The following FMNL2 variants were observed in gnomAD, a reference collection of about 807,000 sequenced individuals.
The protein encoded by FMNL2 is formin-like protein 2.
FMNL2 carries 51 observed loss-of-function variants against 130.2 expected under a neutral mutation model. That is an observed-to-expected ratio of 0.39 (90% CI 0.31 to 0.49). FMNL2 has a LOEUF of 0.49. Among genes scored for constraint, FMNL2 ranks in the 20% least tolerant of loss-of-function variants. The pLI is 0.85. For missense variants in FMNL2, 977 were observed against 1,316.2 expected, an observed-to-expected ratio of 0.74 and a Z score of 3.99; for synonymous variants, 465 against 467.1, an observed-to-expected ratio of 1.00 and a Z score of 0.06.
intron 20 of FMNL2, among the ~76,000 whole-genome samples, chr2:152,630,786 C>T (rs1181844891): frequency 6.6e-6 from 1 of 152,182 alleles, no homozygotes; most frequent in African/African-American, 2.4e-5. Context: ...GTGTAGGAGG[C>T]ACCTGCATGC....
intron 9 of FMNL2, among the ~76,000 whole-genome samples, chr2:152,599,913 CT>C (rs976740670): frequency 3.4e-4 from 52 of 152,326 alleles, no homozygotes; most frequent in African/African-American, 1.3e-3. Context: ...GAGTGATCTG[CT>C]TCTGTCATGG....
intron 1 of FMNL2, among the ~76,000 whole-genome samples, chr2:152,413,259 A>G (rs1686420729): frequency 6.6e-6 from 1 of 152,136 alleles, no homozygotes; most frequent in Admixed American, 6.5e-5. Flanking sequence ...CATTGTGTTT[A>G]GTTGTCTGAG....
In FMNL2 at chr2:152,396,556, C is replaced by G. The variant is rs188738738; in HGVS notation, c.117+60836C>G. Among the ~76,000 whole-genome samples the G allele has an allele frequency of 3.6e-3, 544 of 152,298 alleles. 4 individuals carry two copies. The highest frequency in any genetic ancestry group is 0.013 in the African/African-American group (532 of 41,556). On this transcript the variant is annotated intron_variant, in intron 1 of 25. Coordinates refer to ENST00000288670, the MANE Select transcript of FMNL2 (RefSeq NM_052905.4). ...ATGTATCCAGAGAGCCTGTGAGGTC[C>G]TGGCTTAGATGAGTCCTGCATATCA...
At chr2:152,477,395 T>A (rs1690212712) in intron 1 of FMNL2, among the ~76,000 whole-genome samples, 1 of 152,190 alleles carries the variant, frequency 6.6e-6, no homozygotes, top group African/African-American at 2.4e-5. Context: ...AAAATGAGGA[T>A]GTTGGAAATA....
chr2:152,629,864 AGAG>A lies in FMNL2; in HGVS notation c.2513_2515del (p.Gly838del). The A allele has an allele frequency of 6.2e-7, 1 of 1,612,802 alleles. No individual in the cohort carries two copies. The highest frequency in any genetic ancestry group is 8.5e-7 in the Non-Finnish European group (1 of 1,179,374). Reference sequence around the variant, plus strand: ...TGGAAACTACATGAATAGCAGTAAAAGAGGAGCAGTTTATGGATTTAAACTTCA... The same window carrying A: ...TGGAAACTACATGAATAGCAGTAAAAGAGCAGTTTATGGATTTAAACTTCA... On this transcript the variant is annotated inframe_deletion, in exon 20 of 26. Transcript: ENST00000288670.
At chr2:152,621,326 G>A in intron 15 of FMNL2, among the ~76,000 whole-genome samples, 1 of 152,188 alleles carries the variant, frequency 6.6e-6, no homozygotes, top group African/African-American at 2.4e-5. Flanking sequence ...GAGCCCAGAG[G>A]CTGAGATGTG....
At chr2:152,461,259 G>C (rs1454037487) in intron 1 of FMNL2, among the ~76,000 whole-genome samples, 1 of 152,084 alleles carries the variant, frequency 6.6e-6, no homozygotes, top group African/African-American at 2.4e-5. Flanking sequence ...GAAAAGAACA[G>C]ATTTCGGAAT....
chr2:152,499,129 C>A (rs1691672584), intron 1 of FMNL2, among the ~76,000 whole-genome samples: 1 of 152,152 alleles, frequency 6.6e-6, no homozygotes, highest in South Asian at 2.1e-4. Context: ...GCTATGTTTT[C>A]TGTGAAGCCT....
At chr2:152,531,620 C>T (rs1579895820) in intron 2 of FMNL2, among the ~76,000 whole-genome samples, 1 of 152,046 alleles carries the variant, frequency 6.6e-6, no homozygotes, top group African/African-American at 2.4e-5. Context: ...GGACTACAGC[C>T]GCCTGACACC....
intron 1 of FMNL2, among the ~76,000 whole-genome samples, chr2:152,475,565 G>T (rs761559802): frequency 2.6e-5 from 4 of 151,884 alleles, no homozygotes; most frequent in Non-Finnish European, 4.4e-5. Flanking sequence ...TGTGATCTCG[G>T]CTCACTGCAA....
At chr2:152,510,710 G>C (rs1022499085) in intron 1 of FMNL2, among the ~76,000 whole-genome samples, 3 of 152,208 alleles carry the variant, frequency 2.0e-5, no homozygotes, top group Non-Finnish European at 4.4e-5. Flanking sequence ...TAAGTGGCAG[G>C]CTAAAGGAGT....
intron 25 of FMNL2, among the ~76,000 whole-genome samples, chr2:152,644,397 G>A (rs1327553745): frequency 6.6e-6 from 1 of 152,172 alleles, no homozygotes; most frequent in Non-Finnish European, 1.5e-5. Flanking sequence ...AAGGAACTGT[G>A]AACTATGCAC....
At chr2:152,644,613 T>C (rs913619136) in intron 25 of FMNL2, among the ~76,000 whole-genome samples, 4 of 152,232 alleles carry the variant, frequency 2.6e-5, no homozygotes, top group Non-Finnish European at 5.9e-5. Context: ...AATTCCATGT[T>C]GGAGCAAAGC....
intron 1 of FMNL2, among the ~76,000 whole-genome samples, chr2:152,383,211 T>C (rs953706979): frequency 6.7e-6 from 1 of 148,260 alleles, no homozygotes; most frequent in Non-Finnish European, 1.5e-5. Flanking sequence ...GGAAGGAGGA[T>C]AAAGCAAGAG....
At chr2:152,575,269 T>TA (rs747211392) in intron 7 of FMNL2, 25 bp downstream of exon 7, 126 of 1,469,338 alleles carry the variant, frequency 8.6e-5, no homozygotes, top group East Asian at 1.6e-4. Flanking sequence ...CTGGTTCTTT[T>TA]AAAAAAAACC....
intron 4 of FMNL2, among the ~76,000 whole-genome samples, chr2:152,550,863 C>T (rs536704498): frequency 1.8e-4 from 28 of 152,108 alleles, no homozygotes; most frequent in African/African-American, 3.6e-4. Flanking sequence ...TTAGGCTGTG[C>T]GTGGTGGTTC....
chr2:152,575,237 A>C lies in FMNL2; in HGVS notation c.698A>C (p.Asn233Thr). The part of the protein sequence containing the change: ...VCIMCLRAIM[N>T]YQYGFNMVMS... ...ATCATGTGTTTACGTGCCATCATGA[A>C]TTATCAGGTATGTTGGAGCTTCTGG... is the stretch of plus-strand genomic sequence containing the variant. Residue 233 changes from asparagine to threonine, a missense_variant, in exon 7 of 26, where the codon AAT becomes ACT. Asn to Thr is a moderately conservative substitution (Grantham distance 65). This residue lies in a region of FMNL2 where 689 missense variants were observed against 995.9 expected (regional missense o/e 0.69). Coordinates refer to ENST00000288670, the MANE Select transcript of FMNL2 (RefSeq NM_052905.4). 1 of 1,583,746 alleles carries C rather than the reference A, an allele frequency of 6.3e-7. No homozygotes were observed. Among genetic ancestry groups the C allele is most frequent in the Non-Finnish European group, 8.6e-7 (1 of 1,160,618 alleles).
intron 1 of FMNL2, among the ~76,000 whole-genome samples, chr2:152,448,356 G>C (rs536136018): frequency 3.3e-5 from 5 of 152,282 alleles, no homozygotes; most frequent in African/African-American, 9.6e-5. Context: ...TTGCTTCTGA[G>C]AGTGTGTTCA....
At chr2:152,642,480 ACT>A (rs1436296119) in intron 25 of FMNL2, among the ~76,000 whole-genome samples, 22 of 152,256 alleles carry the variant, frequency 1.4e-4, no homozygotes, top group African/African-American at 5.1e-4. Flanking sequence ...TGGCACACAC[ACT>A]CTGCACAAAT....
Sources: allele counts gnomAD v4.1 joint callset (sites outside exome capture counted in the v4.1 genomes callset), GRCh38; gene constraint gnomAD v4.1.1; regional missense constraint gnomAD v4.1.1; transcripts MANE v1.5; gene names NCBI Gene and HGNC (gene_info 2026-07-23, HGNC 2026-07-21).